Variants in RALGAPB observed in about 807,000 individuals in gnomAD.
The protein encoded by RALGAPB is Ral GTPase activating protein non-catalytic subunit beta.
A neutral mutation model predicts 161.1 loss-of-function variants in RALGAPB; 25 were observed. The ratio of observed to expected loss-of-function variants is 0.16; its 90% CI spans 0.11 to 0.22. The LOEUF is 0.22. RALGAPB is among the 10% of genes least tolerant of loss of function. The probability of loss-of-function intolerance (pLI) is 1.00; values close to 1 mark genes in which losing one functional copy is unlikely to be tolerated. For missense variants in RALGAPB, 1,391 were observed against 1,815.2 expected (o/e 0.77, Z 4.25); for synonymous variants, 629 against 626.1 (o/e 1.00, Z -0.07).
In RALGAPB at chr20:38,532,876, T is replaced by G; in HGVS notation, c.2245+17T>G. ...GAGATTATGGTTAGTCGTGTTTCTT[T>G]TGAAATTCAAAGTTTAATAGAATGA... is the stretch of plus-strand genomic sequence containing the variant. On this transcript the variant is annotated intron_variant, in intron 15 of 29. Coordinates refer to ENST00000262879, the MANE Select transcript of RALGAPB (RefSeq NM_020336.4). The G allele has an allele frequency of 6.2e-7, 1 of 1,606,784 alleles. No individual in the cohort carries two copies. Among genetic ancestry groups the G allele is most frequent in the Non-Finnish European group, 8.5e-7 (1 of 1,174,888 alleles).
intron 1 of RALGAPB, among the ~76,000 whole-genome samples, chr20:38,479,168 T>A (rs1260646851): frequency 1.3e-5 from 2 of 152,238 alleles, no homozygotes; most frequent in Non-Finnish European, 2.9e-5. Context: ...TATGAAACTT[T>A]CTCTTGGGCA....
chr20:38,490,663 T>A (rs2085254122), intron 2 of RALGAPB, among the ~76,000 whole-genome samples: 1 of 148,996 alleles, frequency 6.7e-6, no homozygotes, highest in Non-Finnish European at 1.5e-5. Flanking sequence ...TGCACCACCA[T>A]GCCTGGCTAA....
intron 27 of RALGAPB, 128 bp downstream of exon 27, chr20:38,570,124 GGTTT>G (rs1374251377): frequency 1.5e-6 from 1 of 664,830 alleles, no homozygotes; most frequent in African/African-American, 1.8e-5. Flanking sequence ...AGCAAGCCTT[GGTTT>G]GTACCCCAGC....
intron 22 of RALGAPB, among the ~76,000 whole-genome samples, chr20:38,556,844 A>AT (rs537411103): frequency 3.9e-4 from 59 of 152,268 alleles, no homozygotes; most frequent in African/African-American, 1.2e-3. Flanking sequence ...AAACTGGAAA[A>AT]TTTTTTATAT....
intron 21 of RALGAPB, 87 bp from the exon 22 acceptor site, chr20:38,553,777 CAAA>C (rs35778032): frequency 7.9e-3 from 2,188 of 276,068 alleles, no homozygotes; most frequent in Middle Eastern, 0.01. Context: ...AGCCCAGTCT[CAAA>C]AAAAAAAAAA....
intron 4 of RALGAPB, among the ~76,000 whole-genome samples, chr20:38,498,569 T>TA (rs1476926088): frequency 6.6e-6 from 1 of 152,250 alleles, no homozygotes; most frequent in African/African-American, 2.4e-5. Context: ...CTCTGCTACT[T>TA]ACTCCCCATG....
chr20:38,559,619 G>A (rs141840626), intron 23 of RALGAPB, among the ~76,000 whole-genome samples: 6 of 152,270 alleles, frequency 3.9e-5, no homozygotes, highest in African/African-American at 7.2e-5. Flanking sequence ...GCTTGAACCC[G>A]GGAAGCAGAG....
chr20:38,546,630 C>G, intron 19 of RALGAPB, 200 bp downstream of exon 19: 1 of 613,618 alleles, frequency 1.6e-6, no homozygotes, highest in Non-Finnish European at 2.8e-6. Flanking sequence ...TTTAAAGGCT[C>G]TTGATGTGCA....
intron 10 of RALGAPB, among the ~76,000 whole-genome samples, chr20:38,524,366 A>T (rs1395728020): frequency 6.6e-6 from 1 of 152,194 alleles, no homozygotes; most frequent in Non-Finnish European, 1.5e-5. Context: ...TTAACTCAGC[A>T]GTTCCCCCAG....
At chr20:38,490,044 C>G (rs1348908999) in intron 2 of RALGAPB, among the ~76,000 whole-genome samples, 4 of 149,266 alleles carry the variant, frequency 2.7e-5, no homozygotes, top group African/African-American at 7.4e-5. Context: ...GAGTCTCGCT[C>G]TGTCGCCCAG....
Position 38,575,771 on chromosome 20 carries a change from G to C in RALGAPB, c.*804G>C, listed in dbSNP as rs1338307284. ...GTCCAGCGGGGTGACATAATGACAG[G>C]TTAAATATTTGTGATTCATTGATTA... On this transcript the variant is annotated 3_prime_UTR_variant, in exon 30 of 30. Coordinates refer to ENST00000262879, the MANE Select transcript of RALGAPB (RefSeq NM_020336.4). 6.6e-6 allele frequency: 1 copy of C among 152,210 alleles called. No homozygotes were observed. Among genetic ancestry groups the C allele is most frequent in the African/African-American group, 2.4e-5 (1 of 41,384 alleles). The allele number at this position is 152,210 out of a possible 1,614,324, so 9.4% of individuals were successfully genotyped here. A position where few individuals can be genotyped will look rare whatever the true frequency, so the allele number is the denominator to read the frequency against.
intron 23 of RALGAPB, among the ~76,000 whole-genome samples, chr20:38,561,255 T>C (rs1163125961): frequency 6.6e-6 from 1 of 151,970 alleles, no homozygotes; most frequent in Non-Finnish European, 1.5e-5. Flanking sequence ...ACCCGGGAGG[T>C]GGAGCTTGCA....
intron 5 of RALGAPB, 143 bp downstream of exon 5, chr20:38,499,776 A>T: frequency 1.5e-6 from 1 of 685,250 alleles, no homozygotes; most frequent in Non-Finnish European, 2.2e-6. Flanking sequence ...TTAAATATAG[A>T]TATAACAGTT....
intron 2 of RALGAPB, 137 bp downstream of exon 2, chr20:38,488,755 C>A: frequency 1.2e-6 from 1 of 814,972 alleles, no homozygotes; most frequent in Non-Finnish European, 1.9e-6. Flanking sequence ...TAATGGATTT[C>A]TCCCCAACGT....
intron 13 of RALGAPB, among the ~76,000 whole-genome samples, chr20:38,529,801 A>G (rs911169838): frequency 1.3e-5 from 2 of 152,220 alleles, no homozygotes; most frequent in African/African-American, 2.4e-5. Flanking sequence ...AGATCACGCT[A>G]CTGGACTCCA....
intron 14 of RALGAPB, among the ~76,000 whole-genome samples, chr20:38,532,407 G>T (rs932160849): frequency 6.6e-6 from 1 of 152,092 alleles, no homozygotes; most frequent in African/African-American, 2.4e-5. Context: ...TTGCTTGGGA[G>T]GCACTAGGGT....
intron 13 of RALGAPB, among the ~76,000 whole-genome samples, chr20:38,528,423 G>A (rs2086539546): frequency 6.6e-6 from 1 of 151,242 alleles, no homozygotes; most frequent in South Asian, 2.1e-4. Context: ...CCAGGCTGGA[G>A]CGCAGTGGTG....
At position 38,565,602 on chromosome 20, in the gene RALGAPB, T is replaced by C. The variant is rs1174697320; in HGVS notation, c.3817+124T>C. The C allele has an allele frequency of 4.1e-6, 5 of 1,217,734 alleles. No individual in the cohort carries two copies. The African/African-American group carries it at 7.6e-5, about 18-fold the overall frequency. The allele number at this position is 1,217,734 out of a possible 1,614,324, so 75.4% of individuals were successfully genotyped here. A position where few individuals can be genotyped will look rare whatever the true frequency, so the allele number is the denominator to read the frequency against. On this transcript the variant is annotated intron_variant, in intron 25 of 29. Coordinates refer to ENST00000262879, the MANE Select transcript of RALGAPB (RefSeq NM_020336.4). ...GCATTCTTTAGCTTCTAAGGCATTA[T>C]AACAATATGCAGAAGCACAAGATGT...
intron 13 of RALGAPB, among the ~76,000 whole-genome samples, chr20:38,529,683 GA>G (rs1169696311): frequency 1.1e-3 from 166 of 147,416 alleles, no homozygotes; most frequent in African/African-American, 3.6e-3. Flanking sequence ...ATACAAAAAA[GA>G]AAAAAAAAAT....
Sources: gnomAD v4.1 joint callset for allele counts (sites outside exome capture counted in the v4.1 genomes callset) on GRCh38, gnomAD v4.1.1 for gene constraint, MANE v1.5 for transcripts, NCBI Gene and HGNC (gene_info 2026-07-23, HGNC 2026-07-21) for gene names.